Variants in ALKBH4 observed in about 807,000 individuals in gnomAD.
The protein encoded by ALKBH4 is alpha-ketoglutarate-dependent dioxygenase alkB homolog 4.
Under a neutral mutation model 12.1 loss-of-function variants are expected in ALKBH4, and 8 were observed. The ratio of observed to expected loss-of-function variants is 0.66; its 90% CI spans 0.39 to 1.19. The LOEUF is 1.19. Ranked by LOEUF, ALKBH4 falls within the 50% of genes most tolerant of loss-of-function variation. ALKBH4 has a pLI of 0.01. For synonymous variants in ALKBH4, 195 were observed against 191.6 expected, an observed-to-expected ratio of 1.02 and a Z score of -0.15; for missense variants, 403 against 430.4, an observed-to-expected ratio of 0.94 and a Z score of 0.56.
Position 102,457,900 on chromosome 7 carries a change from C to A in ALKBH4, c.403G>T (p.Val135Leu). Residue 135 changes from valine to leucine, a missense_variant, in exon 3 of 3, where the codon GTG becomes TTG. Physicochemically the swap from Val to Leu is conservative, Grantham distance 32. Transcript: ENST00000292566. This position sits in a 1 kb window ranked among gnomAD's most constrained non-coding sequence, Gnocchi z 5.9. ...FCGLPSFSREVVRRMGLYPGL... is the reference protein window; with the variant it reads ...FCGLPSFSRELVRRMGLYPGL... ...GGGTAGAGGCCCATCCTCCGCACCA[C>A]CTCCCGGCTGAAGCTGGGGAGGCCG... The A allele has an allele frequency of 1.9e-6, 3 of 1,613,392 alleles. No individual in the cohort carries two copies. Among genetic ancestry groups the A allele is most frequent in the Non-Finnish European group, 2.5e-6 (3 of 1,180,018 alleles).
In ALKBH4 at chr7:102,457,444, C is replaced by G; in HGVS notation, c.859G>C (p.Gly287Arg). 1 of 1,613,458 alleles carries G rather than the reference C, an allele frequency of 6.2e-7. No homozygotes were observed. The highest frequency in any genetic ancestry group is 8.5e-7 in the Non-Finnish European group (1 of 1,179,976). ...FGPGGRQQEL[G>R]QELLRIALSF... ...AGGGCGATCCGCAGCAGTTCCTGGCCCAGCTCTTGCTGCCTCCCTCCAGGG... is the reference window on the plus strand; with the variant it reads ...AGGGCGATCCGCAGCAGTTCCTGGCGCAGCTCTTGCTGCCTCCCTCCAGGG... The change falls in exon 3 of 3, where the codon GGC (glycine) becomes CGC (arginine). Residue 287 changes from glycine (G) to arginine (R), a missense_variant. Coordinates refer to ENST00000292566, the MANE Select transcript of ALKBH4 (RefSeq NM_017621.4). This position sits in a 1 kb window ranked among gnomAD's most constrained non-coding sequence, Gnocchi z 5.9.
At chr7:102,459,011 T>C (rs1181137675) in intron 2 of ALKBH4, among the ~76,000 whole-genome samples, 1 of 151,686 alleles carries the variant, frequency 6.6e-6, no homozygotes, top group Non-Finnish European at 1.5e-5. Context: ...CTGGGCATGG[T>C]GGTGGGCACC....
chr7:102,464,084 A>C (rs1434510500), intron 1 of ALKBH4, among the ~76,000 whole-genome samples: 1 of 149,868 alleles, frequency 6.7e-6, no homozygotes, highest in Admixed American at 6.7e-5. Context: ...CACCTGAGGC[A>C]TCACCAATCC....
Position 102,457,750 on chromosome 7 carries a change from G to C in ALKBH4, c.553C>G (p.Leu185Val), listed in dbSNP as rs754187626. The stretch of plus-strand genomic sequence containing the variant: ...ATGGACAGCACGGTGGGGGACAGGA[G>C]GTTGAGGCTGACCAGCCGCTCCCCC... ...LWGERLVSLN[L>V]LSPTVLSMCR... is the part of the protein sequence containing the mutation. The change falls in exon 3 of 3, where the codon CTC (leucine) becomes GTC (valine). Residue 185 changes from leucine (L) to valine (V), a missense_variant. By Grantham distance (32) the Leu-to-Val change is conservative (BLOSUM62 1). Coordinates refer to ENST00000292566, the MANE Select transcript of ALKBH4 (RefSeq NM_017621.4). The surrounding 1 kb of genome is among the most constrained non-coding windows in gnomAD (Gnocchi z 5.9). 1 of 1,584,276 alleles carries C rather than the reference G, an allele frequency of 6.3e-7. No homozygotes were observed. The highest frequency in any genetic ancestry group is 1.7e-5 in the Admixed American group (1 of 57,990).
chr7:102,464,791 C>T lies in ALKBH4; in HGVS notation c.46G>A (p.Gly16Ser), dbSNP rs372579394. 8.0e-5 allele frequency: 126 copies of T among 1,568,188 alleles called. No individual in the cohort carries two copies. In the African/African-American group the frequency reaches 1.5e-3, roughly 19 times the overall value. ...AETPEVLREC[G>S]CKGIRTCLIC... ...AGACAGGTCCGGATGCCCTTGCAAC[C>T]GCATTCCCGAAGGACTTCGGGGGTC... Residue 16 changes from glycine to serine, a missense_variant, in exon 1 of 3, where the codon GGT becomes AGT. Coordinates refer to ENST00000292566, the MANE Select transcript of ALKBH4 (RefSeq NM_017621.4).
chr7:102,459,633 T>C lies in ALKBH4; in HGVS notation c.292A>G (p.Lys98Glu), dbSNP rs1797745658. The change falls in exon 2 of 3, where the codon AAG (lysine) becomes GAG (glutamate). Residue 98 changes from lysine to glutamate, a missense_variant. Transcript: ENST00000292566. ...LVRLMDRDPW[K>E]LSQSGRRKQD... ...TTCCTCCGTCCAGACTGGGAGAGCT[T>C]CCAGGGGTCACGGTCCATGAGCCGC... is the stretch of plus-strand genomic sequence containing the variant. 1.2e-6 allele frequency: 2 copies of C among 1,614,016 alleles called. No individual in the cohort carries two copies.
intron 1 of ALKBH4, 83 bp downstream of exon 1, chr7:102,464,631 G>A (rs1797894587): frequency 2.1e-6 from 3 of 1,438,908 alleles, no homozygotes; most frequent in Non-Finnish European, 1.8e-6. Context: ...TTCGATCCCG[G>A]CCCCTATCAT....
intron 2 of ALKBH4, 25 bp from the exon 3 acceptor site, chr7:102,458,006 A>G (rs1253394873): frequency 2.2e-5 from 34 of 1,568,518 alleles, no homozygotes; most frequent in African/African-American, 2.7e-5. Flanking sequence ...CAAAGAGGAC[A>G]TGAGGTGTCT....
chr7:102,457,607 C>T lies in ALKBH4; in HGVS notation c.696G>A (p.Val232=). The change falls in exon 3 of 3, where the codon GTG becomes GTA. Residue 232 remains valine, a synonymous_variant. Transcript: ENST00000292566. The surrounding 1 kb of genome is among the most constrained non-coding windows in gnomAD (Gnocchi z 5.9). ...GGGAGCGGGCGGGTAAGGGGATGGC[C>T]ACCTCCACCTCCTGGCATAGCACCG... ...SRSVLCQEVE[V]AIPLPARSLL... 6.9e-6 allele frequency: 11 copies of T among 1,599,468 alleles called. No homozygotes were observed. In the African/African-American group the frequency reaches 1.1e-4, roughly 16 times the overall value.
intron 1 of ALKBH4, among the ~76,000 whole-genome samples, chr7:102,463,099 A>G (rs1797833202): frequency 6.6e-6 from 1 of 151,548 alleles, no homozygotes. Flanking sequence ...CTGGGACTAC[A>G]GGTACGTGTC....
rs1461222569 is a variant in ALKBH4 at position 102,456,497 on chromosome 7, C to T, written c.*897G>A. ...TCAAGCAATCCTCCCACCTGAGCCC[C>T]GCAAAGTACTCGGATTACAGGTGTG... On this transcript the variant is annotated 3_prime_UTR_variant, in exon 3 of 3. Coordinates refer to ENST00000292566, the MANE Select transcript of ALKBH4 (RefSeq NM_017621.4). The T allele has an allele frequency of 1.3e-5, 2 of 152,204 alleles. No individual in the cohort carries two copies. Among genetic ancestry groups the T allele is most frequent in the Non-Finnish European group, 2.9e-5 (2 of 68,074 alleles). The allele number at this position is 152,204 out of a possible 1,614,324, so 9.4% of individuals were successfully genotyped here. A position where few individuals can be genotyped will look rare whatever the true frequency, so the allele number is the denominator to read the frequency against.
At chr7:102,463,490 C>T (rs1416815346) in intron 1 of ALKBH4, among the ~76,000 whole-genome samples, 7 of 151,754 alleles carry the variant, frequency 4.6e-5, no homozygotes, top group Admixed American at 2.6e-4. Flanking sequence ...TCACCAAGCC[C>T]GGCAAGTTTT....
chr7:102,457,541 A>C lies in ALKBH4; in HGVS notation c.762T>G (p.His254Gln), dbSNP rs1247254856. 6.2e-7 allele frequency: 1 copy of C among 1,612,292 alleles called. No homozygotes were observed. Among genetic ancestry groups the C allele is most frequent in the Non-Finnish European group, 8.5e-7 (1 of 1,179,900 alleles). Residue 254 changes from histidine (H) to glutamine (Q), a missense_variant, in exon 3 of 3, where the codon CAT becomes CAG. His to Gln is a conservative substitution (Grantham distance 24). Transcript: ENST00000292566. This position sits in a 1 kb window ranked among gnomAD's most constrained non-coding sequence, Gnocchi z 5.9. The part of the protein sequence containing the change: ...LTGAARHQWK[H>Q]AIHRRHIEAR... ...CCTCGATGTGTCTGCGGTGGATGGCATGCTTCCACTGGTGCCGTGCCGCCC... is the reference window on the plus strand; with the variant it reads ...CCTCGATGTGTCTGCGGTGGATGGCCTGCTTCCACTGGTGCCGTGCCGCCC...
chr7:102,457,541 ATGCTTCCACTGG>A lies in ALKBH4; in HGVS notation c.750_761del (p.Gln251_His254del). ...CCTCGATGTGTCTGCGGTGGATGGCATGCTTCCACTGGTGCCGTGCCGCCCCGGTGAGGACCA... is the reference window on the plus strand; with the variant it reads ...CCTCGATGTGTCTGCGGTGGATGGCATGCCGTGCCGCCCCGGTGAGGACCA... On this transcript the variant is annotated inframe_deletion, in exon 3 of 3. Coordinates refer to ENST00000292566, the MANE Select transcript of ALKBH4 (RefSeq NM_017621.4). This position sits in a 1 kb window ranked among gnomAD's most constrained non-coding sequence, Gnocchi z 5.9. The A allele has an allele frequency of 6.2e-7, 1 of 1,612,292 alleles. No individual in the cohort carries two copies. Among genetic ancestry groups the A allele is most frequent in the Non-Finnish European group, 8.5e-7 (1 of 1,179,900 alleles).
intron 1 of ALKBH4, among the ~76,000 whole-genome samples, chr7:102,464,037 C>CT (rs1367886264): frequency 5.6e-5 from 8 of 143,552 alleles, no homozygotes; most frequent in African/African-American, 2.0e-4. Context: ...GTGATCAGAC[C>CT]TCCCCCCCCC....
At chr7:102,463,584 C>T (rs1163063939) in intron 1 of ALKBH4, among the ~76,000 whole-genome samples, 3 of 150,488 alleles carry the variant, frequency 2.0e-5, no homozygotes, top group Admixed American at 6.6e-5. Context: ...CCCACCTCAG[C>T]CTCCCAAAGT....
In ALKBH4 at chr7:102,459,703, C is replaced by T. The variant is rs1191902575; in HGVS notation, c.222G>A (p.Met74Ile). The change falls in exon 2 of 3, where the codon ATG becomes ATA. Residue 74 changes from methionine (M) to isoleucine (I), a missense_variant. Met to Ile is a conservative substitution (Grantham distance 10, BLOSUM62 1). Transcript: ENST00000292566. ...EGWAFPFPGV[M>I]LIEDFVTREE... ...CCCGGGTCACAAAGTCCTCGATCAG[C>T]ATCACTCCTGGGAAGGGGAAGGCCC... The T allele has an allele frequency of 5.0e-6, 8 of 1,614,120 alleles. No individual in the cohort carries two copies. The highest frequency in any genetic ancestry group is 6.8e-6 in the Non-Finnish European group (8 of 1,180,058).
At chr7:102,458,732 G>A (rs1222883597) in intron 2 of ALKBH4, among the ~76,000 whole-genome samples, 1 of 58,342 alleles carries the variant, frequency 1.7e-5, no homozygotes, top group African/African-American at 6.6e-5. Flanking sequence ...GCGAGACCCT[G>A]TCTCAAAAAA....
In ALKBH4 at chr7:102,456,795, G is replaced by A. The variant is rs1797661312; in HGVS notation, c.*599C>T. ...GATATCGGGAAACCCCATGAAAATA[G>A]ATGCATAATAAAGGTGAAAATCATT... On this transcript the variant is annotated 3_prime_UTR_variant, in exon 3 of 3. Coordinates refer to ENST00000292566, the MANE Select transcript of ALKBH4 (RefSeq NM_017621.4). 6.6e-6 allele frequency: 1 copy of A among 151,900 alleles called. No individual in the cohort carries two copies. Among genetic ancestry groups the A allele is most frequent in the African/African-American group, 2.4e-5 (1 of 41,308 alleles). 9.4% of individuals were successfully genotyped at this position (151,900 alleles called of 1,614,324 possible). A position where few individuals can be genotyped will look rare whatever the true frequency, so the allele number is the denominator to read the frequency against.
Sources: allele counts gnomAD v4.1 joint callset (sites outside exome capture counted in the v4.1 genomes callset), GRCh38; gene constraint gnomAD v4.1.1; non-coding constraint Gnocchi (gnomAD v3.1); transcripts MANE v1.5; gene names NCBI Gene and HGNC (gene_info 2026-07-23, HGNC 2026-07-21).